Variants in C1orf94 observed in about 807,000 individuals in gnomAD.
C1orf94 encodes uncharacterized protein C1orf94.
C1orf94 carries 45 observed loss-of-function variants against 53.6 expected under a neutral mutation model. That is an observed-to-expected ratio of 0.84 (90% CI 0.66 to 1.08). The LOEUF (loss-of-function observed/expected upper bound fraction) is 1.08, where lower values mean the gene tolerates loss of function less well. Ranked by LOEUF, C1orf94 falls within the 50% of genes least tolerant of loss-of-function variation. C1orf94 has a pLI of 0.00. For synonymous variants in C1orf94, 304 were observed against 296.1 expected (o/e 1.03, Z -0.27); for missense variants, 762 against 738.9 (o/e 1.03, Z -0.36).
intron 2 of C1orf94, 133 bp downstream of exon 2, chr1:34,198,046 C>T (rs1642632808): frequency 1.0e-6 from 1 of 999,016 alleles, no homozygotes; most frequent in Non-Finnish European, 1.4e-6. Flanking sequence ...CTGGTGGGCA[C>T]AGCCCCGAGG....
chr1:34,174,885 G>A (rs954538029), upstream of C1orf94, among the ~76,000 whole-genome samples: 29 of 152,150 alleles, frequency 1.9e-4, no homozygotes, highest in Non-Finnish European at 4.1e-4. Context: ...TCTGGTTCCC[G>A]AGAATATGTA....
In C1orf94 at chr1:34,209,285, A is replaced by AACACACACACACACAC. The variant is rs59376155; in HGVS notation, c.1524+1071_1524+1086dup. 3.1e-3 allele frequency among the ~76,000 whole-genome samples: 441 copies of AACACACACACACACAC among 143,716 alleles called. 1 individual carries two copies. The highest frequency in any genetic ancestry group is 0.01 in the African/African-American group (407 of 38,862). 94.3% of individuals were successfully genotyped at this position (143,716 alleles called of 152,430 possible). Reference sequence around the variant, plus strand: ...ATAAAGCAGCAGAAAGAGAAATGCAAACACACACACACACACACACACACA... The same window carrying AACACACACACACACAC: ...ATAAAGCAGCAGAAAGAGAAATGCAAACACACACACACACACACACACACACACACACACACACACA... On this transcript the variant is annotated intron_variant, in intron 5 of 6. Transcript: ENST00000488417.
chr1:34,213,316 A>G (rs997341780), intron 6 of C1orf94, among the ~76,000 whole-genome samples: 10 of 152,144 alleles, frequency 6.6e-5, no homozygotes, highest in Admixed American at 5.2e-4. Context: ...TCATCCTTTC[A>G]ATCAGTATTT....
intron 1 of C1orf94, among the ~76,000 whole-genome samples, chr1:34,183,166 G>C (rs898849502): frequency 1.3e-5 from 2 of 152,220 alleles, no homozygotes; most frequent in African/African-American, 4.8e-5. Flanking sequence ...GGGAGCAATG[G>C]GTTTTGGGGG....
rs576726399 is a variant in C1orf94 at position 34,197,200 on chromosome 1, G to A, written c.321-25G>A. 36 of 1,489,948 alleles carry A rather than the reference G, an allele frequency of 2.4e-5. No homozygotes were observed. Among genetic ancestry groups the A allele is most frequent in the East Asian group, 1.5e-4 (6 of 40,210 alleles). 92.3% of individuals were successfully genotyped at this position (1,489,948 alleles called of 1,614,324 possible). A position where few individuals can be genotyped will look rare whatever the true frequency, so the allele number is the denominator to read the frequency against. On this transcript the variant is annotated intron_variant, in intron 1 of 6. Transcript: ENST00000488417. The surrounding 1 kb of genome is among the most constrained non-coding windows in gnomAD (Gnocchi z 4.1). The stretch of plus-strand genomic sequence containing the variant: ...GCCTTGGTGAGCTGGCACTAACACC[G>A]TCTGTCTCTCTGACCCATTTCCAGA...
chr1:34,189,686 C>A (rs527452665), intron 1 of C1orf94, among the ~76,000 whole-genome samples: 2 of 152,290 alleles, frequency 1.3e-5, no homozygotes, highest in East Asian at 3.9e-4. Flanking sequence ...TGATAAGGGG[C>A]CTCTCCTAGC....
At position 34,202,399 on chromosome 1, in the gene C1orf94, G is replaced by T. The variant is rs570689765; in HGVS notation, c.1446+140G>T. On this transcript the variant is annotated intron_variant, in intron 4 of 6. Coordinates refer to ENST00000488417, the MANE Select transcript of C1orf94 (RefSeq NM_001134734.2). ...CCCTACATGCAAGAGGCTTCGCTGG[G>T]GCTATGGAAGGGCGCTGTCAACTTG... The T allele has an allele frequency of 3.8e-5, 34 of 898,196 alleles. No homozygotes were observed. The East Asian group carries it at 7.3e-4, about 19-fold the overall frequency. 55.6% of individuals were successfully genotyped at this position (898,196 alleles called of 1,614,324 possible).
chr1:34,202,287 G>T, intron 4 of C1orf94, 28 bp downstream of exon 4: 1 of 1,607,754 alleles, frequency 6.2e-7, no homozygotes. Context: ...GCTCTCCTGT[G>T]GACATCCACG....
chr1:34,172,766 T>C (rs572993214), upstream of C1orf94, among the ~76,000 whole-genome samples: 1 of 152,366 alleles, frequency 6.6e-6, no homozygotes, highest in South Asian at 2.1e-4. Context: ...GGCTGGCTGC[T>C]CTGCAGCCCT....
chr1:34,187,410 T>G (rs1418416007), intron 1 of C1orf94, among the ~76,000 whole-genome samples: 5 of 152,128 alleles, frequency 3.3e-5, no homozygotes, highest in African/African-American at 1.2e-4. Context: ...TGAAGAAAGA[T>G]GAATCATGAT....
At chr1:34,206,742 C>A (rs1438978918) in intron 4 of C1orf94, among the ~76,000 whole-genome samples, 1 of 152,170 alleles carries the variant, frequency 6.6e-6, no homozygotes, top group Non-Finnish European at 1.5e-5. Context: ...TGTCCAGGTT[C>A]AGGCAGAGGC....
At chr1:34,184,844 TA>T (rs1398695224) in intron 1 of C1orf94, among the ~76,000 whole-genome samples, 2 of 152,188 alleles carry the variant, frequency 1.3e-5, no homozygotes, top group Non-Finnish European at 2.9e-5. Flanking sequence ...GTTTTTTTTT[TA>T]GCATTATTCT....
rs201420557 is a variant in C1orf94 at position 34,197,629 on chromosome 1, A to T, written c.725A>T (p.Gln242Leu). 21 of 1,614,158 alleles carry T rather than the reference A, an allele frequency of 1.3e-5. No homozygotes were observed. The Admixed American group carries it at 2.8e-4, about 22-fold the overall frequency. Residue 242 changes from glutamine (Q) to leucine (L), a missense_variant, in exon 2 of 7, where the codon CAG (glutamine) becomes CTG (leucine). Coordinates refer to ENST00000488417, the MANE Select transcript of C1orf94 (RefSeq NM_001134734.2). The surrounding 1 kb of genome is among the most constrained non-coding windows in gnomAD (Gnocchi z 4.1). ...TTGCAAGTCAGCAAGCTTCTGTCCCAGTTCCCACTGAAGTCCACTGAGACA... is the reference window on the plus strand; with the variant it reads ...TTGCAAGTCAGCAAGCTTCTGTCCCTGTTCCCACTGAAGTCCACTGAGACA... Reference protein sequence around the residue: ...SNLQVSKLLSQFPLKSTETSK... With the variant: ...SNLQVSKLLSLFPLKSTETSK...
chr1:34,199,753 G>A (rs183453867), intron 2 of C1orf94, among the ~76,000 whole-genome samples: 1 of 152,320 alleles, frequency 6.6e-6, no homozygotes, highest in African/African-American at 2.4e-5. Context: ...TCTTTAGTGA[G>A]AAACCTGTGT....
intron 1 of C1orf94, among the ~76,000 whole-genome samples, chr1:34,196,383 G>A (rs1313184802): frequency 6.6e-6 from 1 of 152,156 alleles, no homozygotes; most frequent in African/African-American, 2.4e-5. Flanking sequence ...GTGAATCAGT[G>A]CAGGGATCAG....
Position 34,197,316 on chromosome 1 carries a change from G to T in C1orf94, c.412G>T (p.Glu138Ter), listed in dbSNP as rs1214589775. 6 of 1,566,904 alleles carry T rather than the reference G, an allele frequency of 3.8e-6. No individual in the cohort carries two copies. The highest frequency in any genetic ancestry group is 1.4e-5 in the African/African-American group (1 of 73,514). ...CACCAAAGAGCACTCGATCCTGGTC[G>T]AAGAGAGTTCTGGGGAGCTGGAGGT... The part of the protein sequence containing the change: ...SLTKEHSILV[E>*]ESSGELEVPG... The change falls in exon 2 of 7, where the codon GAA becomes TAA. Residue 138 changes from glutamate (E) to a stop codon, truncating the protein, a stop_gained. Transcript: ENST00000488417. LOFTEE classifies it high-confidence loss of function. The surrounding 1 kb of genome is among the most constrained non-coding windows in gnomAD (Gnocchi z 4.1).
intron 4 of C1orf94, among the ~76,000 whole-genome samples, chr1:34,203,432 A>G (rs1642746395): frequency 6.6e-6 from 1 of 152,052 alleles, no homozygotes; most frequent in African/African-American, 2.4e-5. Flanking sequence ...CGGCCCTCAA[A>G]TGCCATTTTA....
intron 1 of C1orf94, among the ~76,000 whole-genome samples, chr1:34,171,813 C>A (rs749693425): frequency 6.6e-6 from 1 of 152,198 alleles, no homozygotes; most frequent in African/African-American, 2.4e-5. Flanking sequence ...AAAAACTCTG[C>A]CACCCGACGT....
chr1:34,183,231 T>C (rs1642337400), intron 1 of C1orf94, among the ~76,000 whole-genome samples: 2 of 152,246 alleles, frequency 1.3e-5, no homozygotes, highest in African/African-American at 4.8e-5. Context: ...GGTTCAGTTA[T>C]CTTTTAGTTA....
Sources: gnomAD v4.1 joint callset for allele counts (sites outside exome capture counted in the v4.1 genomes callset) on GRCh38, gnomAD v4.1.1 for gene constraint, Gnocchi (gnomAD v3.1) non-coding constraint, MANE v1.5 for transcripts, NCBI Gene and HGNC (gene_info 2026-07-23, HGNC 2026-07-21) for gene names.